Variants in PRKAR1B observed in about 807,000 individuals in gnomAD.
PRKAR1B encodes protein kinase cAMP-dependent type I regulatory subunit beta, also known as cAMP-dependent protein kinase type I-beta regulatory subunit.
Under a neutral mutation model 46.5 loss-of-function variants are expected in PRKAR1B, and 22 were observed. The observed-to-expected ratio is 0.47, with a 90% CI of 0.34 to 0.68. PRKAR1B has a LOEUF of 0.68. PRKAR1B is among the 30% of genes least tolerant of loss of function. PRKAR1B has a pLI of 0.01. For missense variants in PRKAR1B, 445 were observed against 535.6 expected, an observed-to-expected ratio of 0.83 and a Z score of 1.67; for synonymous variants, 259 against 217.7, an observed-to-expected ratio of 1.19 and a Z score of -1.67.
At chr7:689,362 C>G (rs958235151) in intron 2 of PRKAR1B, among the ~76,000 whole-genome samples, 1 of 152,048 alleles carries the variant, frequency 6.6e-6, no homozygotes, top group Admixed American at 6.6e-5. Flanking sequence ...ACCTTGTGAT[C>G]CACCCACCTC....
chr7:588,723 G>T (rs111210969), intron 7 of PRKAR1B, among the ~76,000 whole-genome samples: 3,211 of 14,182 alleles, frequency 0.23, 342 homozygotes, highest in East Asian at 0.43. Flanking sequence ...GGTGGTGATG[G>T]TGGTGAGGAT....
intron 2 of PRKAR1B, among the ~76,000 whole-genome samples, chr7:702,812 A>T (rs1465888589): frequency 6.6e-6 from 1 of 152,264 alleles, no homozygotes; most frequent in East Asian, 1.9e-4. Flanking sequence ...AAACGGGGCA[A>T]GACTCCGTCT....
intron 6 of PRKAR1B, chr7:603,221 G>T (rs1222494751): frequency 6.6e-6 from 1 of 152,270 alleles, no homozygotes; most frequent in Non-Finnish European, 1.5e-5. Flanking sequence ...ATTCCACAGG[G>T]GAGGAAAGGC....
intron 1 of PRKAR1B, among the ~76,000 whole-genome samples, chr7:719,267 T>C (rs1780991989): frequency 6.6e-6 from 1 of 152,158 alleles, no homozygotes; most frequent in African/African-American, 2.4e-5. Flanking sequence ...CTCAAACTCC[T>C]GAGCTCAAGT....
intron 4 of PRKAR1B, among the ~76,000 whole-genome samples, chr7:664,895 C>T (rs1427065139): frequency 2.6e-5 from 4 of 152,110 alleles, no homozygotes; most frequent in East Asian, 1.9e-4. Context: ...GCCTGAGCAA[C>T]GGAGCAAGAC....
chr7:718,912 T>C (rs1396634984), intron 1 of PRKAR1B, among the ~76,000 whole-genome samples: 1 of 138,472 alleles, frequency 7.2e-6, no homozygotes, highest in Non-Finnish European at 1.6e-5. Flanking sequence ...CGCTCTGTCA[T>C]CCAGGCTGGA....
At position 621,555 on chromosome 7, in the gene PRKAR1B, G is replaced by A. The variant is rs140222149; in HGVS notation, c.441-14103C>T. ...CTGCCACAATTCCCAAGGACTCCAC[G>A]TTTTCCACTTAATTCCTGAACCCCC... On this transcript the variant is annotated intron_variant, in intron 4 of 10. Transcript: ENST00000537384. 1.1e-4 allele frequency among the ~76,000 whole-genome samples: 16 copies of A among 152,300 alleles called. No homozygotes were observed. In the East Asian group the frequency reaches 3.1e-3, roughly 29 times the overall value.
chr7:647,632 C>T (rs1026772026), intron 4 of PRKAR1B, among the ~76,000 whole-genome samples: 1 of 151,748 alleles, frequency 6.6e-6, no homozygotes, highest in African/African-American at 2.4e-5. Flanking sequence ...CAGTGAAACC[C>T]CGTCTCTACT....
intron 4 of PRKAR1B, 53 bp from the exon 5 acceptor site, chr7:607,505 A>T: frequency 6.8e-7 from 1 of 1,461,346 alleles, no homozygotes; most frequent in African/African-American, 1.4e-5. Context: ...GGGACATTTA[A>T]ACCCTTCCTC....
At chr7:702,394 CTA>C (rs1245446399) in intron 2 of PRKAR1B, among the ~76,000 whole-genome samples, 1 of 152,110 alleles carries the variant, frequency 6.6e-6, no homozygotes, top group African/African-American at 2.4e-5. Context: ...TGTACATGAT[CTA>C]TACATGAGGT....
At chr7:580,723 G>A (rs1780124873) in intron 8 of PRKAR1B, among the ~76,000 whole-genome samples, 1 of 125,196 alleles carries the variant, frequency 8.0e-6, no homozygotes, top group African/African-American at 3.0e-5. Context: ...ATGATCACCT[G>A]ATTAACGATT....
intron 4 of PRKAR1B, among the ~76,000 whole-genome samples, chr7:670,616 C>G (rs112253178): frequency 0.025 from 3,710 of 149,414 alleles, 65 homozygotes; most frequent in Non-Finnish European, 0.038. Context: ...CAGAGGGGCT[C>G]AGGACCGAGG....
chr7:566,253 ACAT>A (rs1779124605), intron 9 of PRKAR1B, among the ~76,000 whole-genome samples: 1 of 109,022 alleles, frequency 9.2e-6, no homozygotes, highest in Admixed American at 8.7e-5. Context: ...CATCACCATG[ACAT>A]CATCATCACC....
In PRKAR1B at chr7:574,447, A is replaced by ATTTT. The variant is rs71546451; in HGVS notation, c.891+4805_891+4808dup. On this transcript the variant is annotated intron_variant, in intron 9 of 10. Coordinates refer to ENST00000537384, the MANE Select transcript of PRKAR1B (RefSeq NM_001164760.2). ...TTTTAAAGAGAATTAACAGATCCAG[A>ATTTT]TTTTTTTTTTTTTTTGAGACAGGCT... 4.9e-4 allele frequency among the ~76,000 whole-genome samples: 71 copies of ATTTT among 145,784 alleles called. 1 individual carries two copies. Among genetic ancestry groups the ATTTT allele is most frequent in the Non-Finnish European group, 7.0e-4 (46 of 65,982 alleles).
chr7:582,048 TC>T (rs372982623), intron 8 of PRKAR1B, among the ~76,000 whole-genome samples: 225 of 152,326 alleles, frequency 1.5e-3, no homozygotes, highest in African/African-American at 5.1e-3. Flanking sequence ...ATGGGATCCA[TC>T]CCCATTCACC....
At position 607,424 on chromosome 7, in the gene PRKAR1B, T is replaced by A. The variant is rs1196442493; in HGVS notation, c.469A>T (p.Thr157Ser). The A allele has an allele frequency of 6.2e-7, 1 of 1,613,810 alleles. No individual in the cohort carries two copies. Among genetic ancestry groups the A allele is most frequent in the East Asian group, 2.2e-5 (1 of 44,868 alleles). Residue 157 changes from threonine to serine, a missense_variant, in exon 5 of 11, where the codon ACT (threonine) becomes TCT (serine). By Grantham distance (58) the Thr-to-Ser change is moderately conservative. Around this residue, in one of 5 missense-constraint regions of PRKAR1B, gnomAD observed 94 missense variants for 126.9 expected, o/e 0.74. Transcript: ENST00000537384. ...ATAACAGTCTCCCCAGCGATGTGAG[T>A]GACAGGGAACATGGCATCGAATATG... The part of the protein sequence containing the change: ...SDIFDAMFPV[T>S]HIAGETVIQQ...
At chr7:653,193 C>T (rs1442365674) in intron 4 of PRKAR1B, among the ~76,000 whole-genome samples, 1 of 152,220 alleles carries the variant, frequency 6.6e-6, no homozygotes, top group Non-Finnish European at 1.5e-5. Flanking sequence ...AGGAACTACA[C>T]AAGTGGGGAG....
At chr7:618,895 A>T (rs920037922) in intron 4 of PRKAR1B, among the ~76,000 whole-genome samples, 5 of 152,234 alleles carry the variant, frequency 3.3e-5, no homozygotes, top group Non-Finnish European at 5.9e-5. Context: ...TTAGGTAGAC[A>T]TCTTTCATCT....
intron 2 of PRKAR1B, among the ~76,000 whole-genome samples, chr7:708,316 G>A (rs902259892): frequency 6.6e-6 from 1 of 152,126 alleles, no homozygotes; most frequent in Non-Finnish European, 1.5e-5. Flanking sequence ...ACTGTGGGAG[G>A]AGACATTTCT....
Sources: gnomAD v4.1 joint callset for allele counts (sites outside exome capture counted in the v4.1 genomes callset) on GRCh38, gnomAD v4.1.1 for gene constraint, gnomAD v4.1.1 regional missense constraint, MANE v1.5 for transcripts, NCBI Gene and HGNC (gene_info 2026-07-23, HGNC 2026-07-21) for gene names.